Variants in TBC1D22A observed in about 807,000 individuals in gnomAD.
TBC1D22A encodes the protein TBC1 domain family member 22A, also known as putative GTPase activator.
In TBC1D22A, 38 loss-of-function variants were observed where a neutral mutation model predicts 60.2. The ratio of observed to expected loss-of-function variants is 0.63; its 90% CI spans 0.49 to 0.83. TBC1D22A has a LOEUF of 0.83. Among genes scored for constraint, TBC1D22A ranks in the 40% least tolerant of loss-of-function variants. The pLI is 0.00. For synonymous variants in TBC1D22A, 302 were observed against 281.7 expected, an observed-to-expected ratio of 1.07 and a Z score of -0.72; for missense variants, 628 against 701.0, an observed-to-expected ratio of 0.90 and a Z score of 1.18.
chr22:46,923,710 G>A (rs776538740), intron 8 of TBC1D22A, among the ~76,000 whole-genome samples: 8 of 152,214 alleles, frequency 5.3e-5, no homozygotes, highest in South Asian at 2.1e-4. Flanking sequence ...TTTCCTCTAA[G>A]TCTTGTTTTC....
intron 12 of TBC1D22A, among the ~76,000 whole-genome samples, chr22:47,153,560 G>A (rs562292739): frequency 3.9e-5 from 6 of 152,158 alleles, no homozygotes; most frequent in Admixed American, 1.3e-4. Flanking sequence ...GTAAGGAGGC[G>A]GCCATGCAGG....
intron 9 of TBC1D22A, among the ~76,000 whole-genome samples, chr22:46,981,612 C>A (rs1015568375): frequency 1.3e-5 from 2 of 152,212 alleles, no homozygotes; most frequent in African/African-American, 2.4e-5. Flanking sequence ...GCTCTTCCCC[C>A]ACTTTGCTCA....
At chr22:47,084,890 G>C (rs2064615006) in intron 11 of TBC1D22A, among the ~76,000 whole-genome samples, 1 of 152,206 alleles carries the variant, frequency 6.6e-6, no homozygotes, top group Non-Finnish European at 1.5e-5. Context: ...GGCTTCAGGG[G>C]AAGTTACCAA....
intron 11 of TBC1D22A, among the ~76,000 whole-genome samples, chr22:47,042,703 C>T (rs911092846): frequency 7.2e-5 from 11 of 152,210 alleles, no homozygotes; most frequent in Non-Finnish European, 1.5e-4. Context: ...CCCATCTGTC[C>T]ACTGCTGAGA....
chr22:46,798,495 A>G (rs2084754986), intron 4 of TBC1D22A, among the ~76,000 whole-genome samples: 1 of 152,268 alleles, frequency 6.6e-6, no homozygotes, highest in African/African-American at 2.4e-5. Context: ...AGGCACACGC[A>G]GTGCCCATGT....
At chr22:47,145,414 A>G (rs2067251700) in intron 12 of TBC1D22A, among the ~76,000 whole-genome samples, 1 of 152,200 alleles carries the variant, frequency 6.6e-6, no homozygotes, top group Admixed American at 6.5e-5. Context: ...CTTAGCCAGC[A>G]CCTTTGACCT....
Position 47,080,499 on chromosome 22 carries a change from G to A in TBC1D22A, c.1330-31009G>A, listed in dbSNP as rs34546965. Among the ~76,000 whole-genome samples the A allele has an allele frequency of 1.8e-4, 27 of 151,912 alleles. No homozygotes were observed. The South Asian group carries it at 2.1e-3, about 12-fold the overall frequency. On this transcript the variant is annotated intron_variant, in intron 11 of 12. Coordinates refer to ENST00000337137, the MANE Select transcript of TBC1D22A (RefSeq NM_014346.5). ...TAAGCAGCATGCTTTTAAATAATCCGCGATTCAAAGAAGTCAAAGGGAAAA... is the reference window on the plus strand; with the variant it reads ...TAAGCAGCATGCTTTTAAATAATCCACGATTCAAAGAAGTCAAAGGGAAAA...
At chr22:47,001,407 G>T (rs1602923948) in intron 10 of TBC1D22A, among the ~76,000 whole-genome samples, 2 of 132,290 alleles carry the variant, frequency 1.5e-5, no homozygotes, top group South Asian at 4.7e-4. Flanking sequence ...TCGCGCCATT[G>T]TACTCCCGCC....
At chr22:47,074,200 G>A (rs985024498) in intron 11 of TBC1D22A, among the ~76,000 whole-genome samples, 25 of 152,330 alleles carry the variant, frequency 1.6e-4, no homozygotes, top group African/African-American at 5.5e-4. Context: ...TGATGTGGAC[G>A]ATGCGTGTCC....
At chr22:47,164,761 G>A (rs1284825873) in intron 12 of TBC1D22A, among the ~76,000 whole-genome samples, 1 of 152,210 alleles carries the variant, frequency 6.6e-6, no homozygotes, top group African/African-American at 2.4e-5. Flanking sequence ...TGACAGCAGC[G>A]GACCTTTTCG....
At chr22:47,039,256 TTGAAC>T (rs1215224804) in intron 11 of TBC1D22A, among the ~76,000 whole-genome samples, 1 of 152,238 alleles carries the variant, frequency 6.6e-6, no homozygotes, top group Non-Finnish European at 1.5e-5. Flanking sequence ...GGACTCATTC[TTGAAC>T]TGATAGTACC....
intron 4 of TBC1D22A, among the ~76,000 whole-genome samples, chr22:46,805,498 G>T (rs2085087900): frequency 6.6e-6 from 1 of 152,200 alleles, no homozygotes; most frequent in South Asian, 2.1e-4. Flanking sequence ...CAAGTCACTT[G>T]ACCTCTTCCT....
chr22:46,830,771 A>G (rs1238810326), intron 4 of TBC1D22A, among the ~76,000 whole-genome samples: 2 of 152,218 alleles, frequency 1.3e-5, no homozygotes, highest in Non-Finnish European at 2.9e-5. Flanking sequence ...TAATTTTTAG[A>G]AAGTTCATTC....
intron 10 of TBC1D22A, among the ~76,000 whole-genome samples, chr22:47,030,076 C>G (rs945153042): frequency 2.0e-5 from 3 of 152,232 alleles, no homozygotes; most frequent in Non-Finnish European, 4.4e-5. Context: ...AGTGGGGGGC[C>G]TCTTGGTGCG....
intron 4 of TBC1D22A, among the ~76,000 whole-genome samples, chr22:46,805,853 CTTT>C (rs758912287): frequency 1.5e-5 from 2 of 131,164 alleles, no homozygotes; most frequent in African/African-American, 2.7e-5. Flanking sequence ...TCTTCTTCTT[CTTT>C]TTTTTCTTTA....
chr22:47,154,249 G>A (rs1452461007), intron 12 of TBC1D22A, among the ~76,000 whole-genome samples: 1 of 152,122 alleles, frequency 6.6e-6, no homozygotes, highest in Non-Finnish European at 1.5e-5. Context: ...CTCACACTCT[G>A]CGCTTTTGAG....
chr22:47,008,635 G>T (rs889411406), intron 10 of TBC1D22A, among the ~76,000 whole-genome samples: 3 of 152,216 alleles, frequency 2.0e-5, no homozygotes, highest in Non-Finnish European at 2.9e-5. Context: ...ACAACGATGG[G>T]CTGCAGCAAG....
intron 11 of TBC1D22A, among the ~76,000 whole-genome samples, chr22:47,076,161 G>A (rs886730671): frequency 1.3e-5 from 2 of 151,936 alleles, no homozygotes; most frequent in African/African-American, 4.8e-5. Context: ...AGAAGGCATA[G>A]AAGATTACAA....
intron 1 of TBC1D22A, among the ~76,000 whole-genome samples, chr22:46,765,781 T>A (rs1287168195): frequency 1.4e-5 from 2 of 146,484 alleles, no homozygotes; most frequent in Non-Finnish European, 3.0e-5. Context: ...TTTCCTCCTT[T>A]TTTTTTTTTT....
Sources: gnomAD v4.1 joint callset for allele counts (sites outside exome capture counted in the v4.1 genomes callset) on GRCh38, gnomAD v4.1.1 for gene constraint, MANE v1.5 for transcripts, NCBI Gene and HGNC (gene_info 2026-07-23, HGNC 2026-07-21) for gene names.